CCBE1: variants seen among roughly 807,000 people sequenced by gnomAD.
CCBE1 encodes collagen and calcium binding EGF domains 1, also known as collagen and calcium-binding EGF domain-containing protein 1.
In CCBE1, 37 loss-of-function variants were observed where a neutral mutation model predicts 50.0. The observed-to-expected ratio is 0.74, with a 90% CI of 0.57 to 0.97. The LOEUF (loss-of-function observed/expected upper bound fraction) is 0.97. CCBE1 is among the 50% of genes least tolerant of loss of function. The pLI is 0.00. For missense variants in CCBE1, 538 were observed against 523.8 expected, an observed-to-expected ratio of 1.03 and a Z score of -0.26; for synonymous variants, 234 against 203.7, an observed-to-expected ratio of 1.15 and a Z score of -1.27.
chr18:59,566,098 G>A (rs1012673974), intron 2 of CCBE1, among the ~76,000 whole-genome samples: 1 of 152,172 alleles, frequency 6.6e-6, no homozygotes, highest in Non-Finnish European at 1.5e-5. Context: ...AAATACCCAG[G>A]ACACACACTG....
chr18:59,488,659 G>A (rs1912941451), intron 2 of CCBE1, among the ~76,000 whole-genome samples: 1 of 152,108 alleles, frequency 6.6e-6, no homozygotes, highest in African/African-American at 2.4e-5. Flanking sequence ...GAGAATCCGG[G>A]CTCTGCTGCT....
chr18:59,520,408 G>A (rs1365705612), intron 2 of CCBE1, among the ~76,000 whole-genome samples: 1 of 152,148 alleles, frequency 6.6e-6, no homozygotes, highest in Non-Finnish European at 1.5e-5. Flanking sequence ...CGTCAACAGA[G>A]ATGAGTTCTT....
intron 2 of CCBE1, among the ~76,000 whole-genome samples, chr18:59,686,404 C>T (rs894526485): frequency 2.6e-5 from 4 of 152,342 alleles, no homozygotes; most frequent in Admixed American, 6.5e-5. Flanking sequence ...TTGAGAAGAA[C>T]ACAGGCTCCA....
chr18:59,628,494 GATCATGTCAATAGTCCA>G (rs1293470660), intron 2 of CCBE1, among the ~76,000 whole-genome samples: 4 of 152,100 alleles, frequency 2.6e-5, no homozygotes, highest in Non-Finnish European at 5.9e-5. Context: ...CTTTTTACCT[GATCATGTCAATAGTCCA>G]ATTCATGCTC....
At chr18:59,692,955 A>AAC (rs1568276448) in intron 2 of CCBE1, among the ~76,000 whole-genome samples, 6,993 of 143,074 alleles carry the variant, frequency 0.049, 219 homozygotes, top group South Asian at 0.1. Context: ...GTCAAGCCAA[A>AAC]GCACACACAC....
chr18:59,689,978 C>A (rs906436356), intron 2 of CCBE1, among the ~76,000 whole-genome samples: 1 of 152,034 alleles, frequency 6.6e-6, no homozygotes, highest in Non-Finnish European at 1.5e-5. Flanking sequence ...AAGATCTTAA[C>A]CTCCAAAGTG....
chr18:59,538,608 G>GA lies in CCBE1; in HGVS notation c.213-58371dup, dbSNP rs201197275. 2.7e-4 allele frequency among the ~76,000 whole-genome samples: 40 copies of GA among 150,850 alleles called. No individual in the cohort carries two copies. In the South Asian group the frequency reaches 5.5e-3, roughly 21 times the overall value. On this transcript the variant is annotated intron_variant, in intron 2 of 10. Transcript: ENST00000439986. ...AGGGTGCTACACATGACATCCTGGG[G>GA]AAAAAAAAATGCCTGACGTGAGGAG...
At chr18:59,569,679 A>C (rs765585282) in intron 2 of CCBE1, among the ~76,000 whole-genome samples, 1 of 150,346 alleles carries the variant, frequency 6.7e-6, no homozygotes, top group Non-Finnish European at 1.5e-5. Context: ...GGCTCAGGAT[A>C]GAGTACAGCA....
chr18:59,583,468 C>A (rs1170885759), intron 2 of CCBE1, among the ~76,000 whole-genome samples: 1 of 152,136 alleles, frequency 6.6e-6, no homozygotes, highest in Non-Finnish European at 1.5e-5. Context: ...CAAAACTGTG[C>A]CCAAGTGAGA....
At chr18:59,439,212 G>A (rs559354305) in intron 9 of CCBE1, among the ~76,000 whole-genome samples, 40 of 152,260 alleles carry the variant, frequency 2.6e-4, no homozygotes, top group Non-Finnish European at 4.7e-4. Flanking sequence ...GCGTGAACTC[G>A]GGAGGTGGAG....
Position 59,663,314 on chromosome 18 carries a change from G to A in CCBE1, c.212+33315C>T, listed in dbSNP as rs118061920. Among the ~76,000 whole-genome samples, 1,226 of 152,288 alleles carry A rather than the reference G, an allele frequency of 8.1e-3. 7 individuals are homozygous for A. Among genetic ancestry groups the A allele is most frequent in the Non-Finnish European group, 0.013 (852 of 68,024 alleles). Reference sequence around the variant, plus strand: ...TAATATCTGAGCTTTAGTAATGAGGGTGTGAACTTCCTGGAATAGCTGGAA... The same window carrying A: ...TAATATCTGAGCTTTAGTAATGAGGATGTGAACTTCCTGGAATAGCTGGAA... On this transcript the variant is annotated intron_variant, in intron 2 of 10. Coordinates refer to ENST00000439986, the MANE Select transcript of CCBE1 (RefSeq NM_133459.4).
intron 2 of CCBE1, among the ~76,000 whole-genome samples, chr18:59,693,525 C>A (rs894665069): frequency 3.3e-5 from 5 of 152,152 alleles, no homozygotes; most frequent in African/African-American, 9.7e-5. Flanking sequence ...GTTAAATCTT[C>A]TTTTGCCCAA....
At chr18:59,601,401 T>C (rs2053432057) in intron 2 of CCBE1, among the ~76,000 whole-genome samples, 1 of 152,080 alleles carries the variant, frequency 6.6e-6, no homozygotes, top group African/African-American at 2.4e-5. Flanking sequence ...TAAAGGGCAG[T>C]TCCCCTGCAC....
At chr18:59,660,127 T>C (rs1414935392) in intron 2 of CCBE1, among the ~76,000 whole-genome samples, 1 of 152,048 alleles carries the variant, frequency 6.6e-6, no homozygotes, top group Non-Finnish European at 1.5e-5. Flanking sequence ...CAGCTGAGAG[T>C]GCCGAAAGGG....
At chr18:59,447,913 C>A in intron 7 of CCBE1, 70 bp downstream of exon 7, 1 of 1,609,402 alleles carries the variant, frequency 6.2e-7, no homozygotes, top group Non-Finnish European at 8.5e-7. Flanking sequence ...GTCCAGGCCC[C>A]AGCAAATGTG....
chr18:59,636,362 C>A (rs551540229), intron 2 of CCBE1, among the ~76,000 whole-genome samples: 1 of 152,158 alleles, frequency 6.6e-6, no homozygotes, highest in Admixed American at 6.5e-5. Context: ...CATTTTTAAC[C>A]GTAGACCCTG....
intron 3 of CCBE1, among the ~76,000 whole-genome samples, chr18:59,476,854 A>T (rs1014718641): frequency 5.9e-5 from 9 of 152,226 alleles, no homozygotes; most frequent in African/African-American, 1.4e-4. Context: ...ATCAGTATCC[A>T]ACATATGGTA....
intron 2 of CCBE1, among the ~76,000 whole-genome samples, chr18:59,672,342 C>A (rs1282645909): frequency 1.3e-5 from 2 of 152,206 alleles, no homozygotes; most frequent in African/African-American, 4.8e-5. Flanking sequence ...TCTAGACTGG[C>A]TGGCCCTGTC....
At chr18:59,561,800 C>T (rs893320768) in intron 2 of CCBE1, among the ~76,000 whole-genome samples, 3 of 152,246 alleles carry the variant, frequency 2.0e-5, no homozygotes, top group South Asian at 2.1e-4. Flanking sequence ...AAGGGAGAGC[C>T]GGCTGTGCAG....
Sources: gnomAD v4.1 joint callset for allele counts (sites outside exome capture counted in the v4.1 genomes callset) on GRCh38, gnomAD v4.1.1 for gene constraint, MANE v1.5 for transcripts, NCBI Gene and HGNC (gene_info 2026-07-23, HGNC 2026-07-21) for gene names.